The following DZIP1 variants were observed in gnomAD, a reference collection of about 807,000 sequenced individuals.
The protein encoded by DZIP1 is cilium assembly protein DZIP1.
In DZIP1, 97 loss-of-function variants were observed where a neutral mutation model predicts 107.6. That is an observed-to-expected ratio of 0.90 (90% confidence interval 0.77 to 1.07). DZIP1 has a LOEUF of 1.07. Among genes scored for constraint, DZIP1 ranks in the 50% least tolerant of loss-of-function variants. The pLI, the probability that DZIP1 is intolerant of heterozygous loss-of-function variation, is 0.00. For synonymous variants in DZIP1, 390 were observed against 386.4 expected, an observed-to-expected ratio of 1.01 and a Z score of -0.11; for missense variants, 1,035 against 1,063.6, an observed-to-expected ratio of 0.97 and a Z score of 0.37.
At chr13:95,609,416 A>C in intron 13 of DZIP1, 41 bp downstream of exon 13, 1 of 1,383,332 alleles carries the variant, frequency 7.2e-7, no homozygotes, top group Non-Finnish European at 9.6e-7. Flanking sequence ...TTAGCATTTT[A>C]AAGATACCTT....
intron 7 of DZIP1, among the ~76,000 whole-genome samples, chr13:95,626,180 G>A (rs1358228304): frequency 1.3e-5 from 2 of 151,800 alleles, no homozygotes; most frequent in East Asian, 1.9e-4. Flanking sequence ...AAATAACCTA[G>A]CTAGAAAAAG....
At position 95,587,606 on chromosome 13, in the gene DZIP1, C is replaced by T. The variant is rs1184683485; in HGVS notation, c.2151G>A (p.Val717=). ...CCTCGGTCCCGTCCGCGTCACTTTT[C>T]ACTGTGTTCTTCCCGAAGCTGCCCT... ...QNKGSFGKNT[V]KSDADGTEGS... The change falls in exon 20 of 23, where the codon GTG becomes GTA. Residue 717 remains valine (V), a synonymous_variant. Coordinates refer to ENST00000376829, the MANE Select transcript of DZIP1 (RefSeq NM_198968.4). 3.1e-6 allele frequency: 5 copies of T among 1,613,992 alleles called. No individual in the cohort carries two copies. The Admixed American group carries it at 5.0e-5, about 16-fold the overall frequency.
chr13:95,631,496 A>G (rs986693249), intron 6 of DZIP1, among the ~76,000 whole-genome samples: 2 of 152,022 alleles, frequency 1.3e-5, no homozygotes, highest in Non-Finnish European at 2.9e-5. Context: ...GATAAAAATA[A>G]GAATTTCTGT....
In DZIP1 at chr13:95,641,029, GT is replaced by G. The variant is rs1183977543; in HGVS notation, c.597+265del. On this transcript the variant is annotated intron_variant, in intron 5 of 22. Coordinates refer to ENST00000376829, the MANE Select transcript of DZIP1 (RefSeq NM_198968.4). The surrounding 1 kb of genome is among the most constrained non-coding windows in gnomAD (Gnocchi z 4.3). ...GTTGAGGTTGATTCGGAGGAGGAAA[GT>G]GTTTCAACAACCAGCATTTAGATAA... Among the ~76,000 whole-genome samples the G allele has an allele frequency of 6.6e-6, 1 of 152,218 alleles. No homozygotes were observed. The highest frequency in any genetic ancestry group is 2.4e-5 in the African/African-American group (1 of 41,450).
At chr13:95,596,966 C>G (rs1594661673) in intron 15 of DZIP1, among the ~76,000 whole-genome samples, 1 of 152,228 alleles carries the variant, frequency 6.6e-6, no homozygotes, top group African/African-American at 2.4e-5. Context: ...CAGTGGTGCA[C>G]GTGGACCCTG....
At chr13:95,636,543 C>CAAAAAAAAAAA (rs58289509) in intron 5 of DZIP1, among the ~76,000 whole-genome samples, 1 of 118,278 alleles carries the variant, frequency 8.5e-6, no homozygotes, top group African/African-American at 3.4e-5. Context: ...GACCTTGACT[C>CAAAAAAAAAAA]AAAAAAAAAA....
intron 19 of DZIP1, 105 bp downstream of exon 19, chr13:95,589,039 GATATTAAATA>G (rs762895032): frequency 1.6e-5 from 14 of 852,380 alleles, no homozygotes; most frequent in Non-Finnish European, 2.1e-5. Flanking sequence ...GACAAATTAT[GATATTAAATA>G]ATTACGGCTT....
At chr13:95,640,950 T>A (rs1001259700) in intron 5 of DZIP1, among the ~76,000 whole-genome samples, 4 of 152,218 alleles carry the variant, frequency 2.6e-5, no homozygotes, top group Non-Finnish European at 5.9e-5. Flanking sequence ...AATTTAAACA[T>A]TCTGCATCGT....
rs1312396470 is a variant in DZIP1 at position 95,578,378 on chromosome 13, A to AT, written c.*3855dup. 1.3e-5 allele frequency: 2 copies of AT among 159,330 alleles called. No homozygotes were observed. Among genetic ancestry groups the AT allele is most frequent in the African/African-American group, 4.8e-5 (2 of 41,574 alleles). 9.9% of individuals were successfully genotyped at this position (159,330 alleles called of 1,614,324 possible). On this transcript the variant is annotated 3_prime_UTR_variant, in exon 23 of 23. Coordinates refer to ENST00000376829, the MANE Select transcript of DZIP1 (RefSeq NM_198968.4). ...CCACTCCTTATGTTTCTTTTCATTC[A>AT]TAAACAGGTGTATAAGGAACAATGT... is the stretch of plus-strand genomic sequence containing the variant.
At chr13:95,594,149 A>G (rs186549735) in intron 15 of DZIP1, 63 bp from the exon 16 acceptor site, 420 of 1,387,548 alleles carry the variant, frequency 3.0e-4, no homozygotes, top group Middle Eastern at 2.1e-3. Flanking sequence ...AAAATCTCTA[A>G]GCAGAAAATG....
chr13:95,631,002 A>G (rs1232193356), intron 6 of DZIP1, among the ~76,000 whole-genome samples: 3 of 152,218 alleles, frequency 2.0e-5, no homozygotes, highest in East Asian at 3.9e-4. Flanking sequence ...TAATGAGATT[A>G]TTATGCTGTT....
chr13:95,595,121 C>T (rs1040307348), intron 15 of DZIP1, among the ~76,000 whole-genome samples: 1 of 152,226 alleles, frequency 6.6e-6, no homozygotes, highest in African/African-American at 2.4e-5. Flanking sequence ...CATCAAATGC[C>T]ATTTCCTAGG....
chr13:95,627,309 T>C (rs747274777), intron 7 of DZIP1, among the ~76,000 whole-genome samples: 4 of 152,136 alleles, frequency 2.6e-5, no homozygotes, highest in Non-Finnish European at 5.9e-5. Flanking sequence ...ATAAACCACA[T>C]GCAAAAGTAT....
chr13:95,606,696 A>G (rs1294031838), intron 13 of DZIP1, among the ~76,000 whole-genome samples: 1 of 152,216 alleles, frequency 6.6e-6, no homozygotes, highest in Non-Finnish European at 1.5e-5. Flanking sequence ...TAATGCTGCA[A>G]TGAACATTCA....
At chr13:95,603,564 G>C (rs899607438) in intron 14 of DZIP1, among the ~76,000 whole-genome samples, 2 of 152,076 alleles carry the variant, frequency 1.3e-5, no homozygotes, top group Non-Finnish European at 2.9e-5. Flanking sequence ...ATTGGTGTAT[G>C]GGTCAGTTTA....
chr13:95,602,160 A>G (rs1455693359), intron 14 of DZIP1, among the ~76,000 whole-genome samples: 1 of 152,126 alleles, frequency 6.6e-6, no homozygotes, highest in South Asian at 2.1e-4. Flanking sequence ...AACGCCCTCA[A>G]CCAACCTCAC....
At chr13:95,631,840 ACTCAG>A (rs1353886172) in intron 6 of DZIP1, among the ~76,000 whole-genome samples, 1 of 152,038 alleles carries the variant, frequency 6.6e-6, no homozygotes, top group African/African-American at 2.4e-5. Context: ...CCCTCATGAT[ACTCAG>A]CTCAGCTCAG....
Position 95,641,582 on chromosome 13 carries a change from C to G in DZIP1, c.310G>C (p.Glu104Gln). ...MNITFCKLED[E>Q]KCPHCQSGVD... Reference sequence around the variant, plus strand: ...CCCGACTGGCAGTGTGGGCACTTCTCGTCTTCCAGCTTGCAGAAGGTGATG... The same window carrying G: ...CCCGACTGGCAGTGTGGGCACTTCTGGTCTTCCAGCTTGCAGAAGGTGATG... The change falls in exon 5 of 23, where the codon GAG becomes CAG. Residue 104 changes from glutamate to glutamine, a missense_variant. Coordinates refer to ENST00000376829, the MANE Select transcript of DZIP1 (RefSeq NM_198968.4). The surrounding 1 kb of genome is among the most constrained non-coding windows in gnomAD (Gnocchi z 4.3). 1 of 1,613,564 alleles carries G rather than the reference C, an allele frequency of 6.2e-7. No homozygotes were observed.
At position 95,634,990 on chromosome 13, in the gene DZIP1, C is replaced by T. The variant is rs1347633685; in HGVS notation, c.598-1669G>A. 2.6e-5 allele frequency among the ~76,000 whole-genome samples: 4 copies of T among 152,106 alleles called. No homozygotes were observed. The East Asian group carries it at 7.7e-4, about 29-fold the overall frequency. On this transcript the variant is annotated intron_variant, in intron 5 of 22. Coordinates refer to ENST00000376829, the MANE Select transcript of DZIP1 (RefSeq NM_198968.4). The stretch of plus-strand genomic sequence containing the variant: ...CACTCTTTTAGTCTATAGGTTTCCC[C>T]TCCACCTCTTTTTTTTCCTTGCTAT...
Sources: allele counts gnomAD v4.1 joint callset (sites outside exome capture counted in the v4.1 genomes callset), GRCh38; gene constraint gnomAD v4.1.1; non-coding constraint Gnocchi (gnomAD v3.1); transcripts MANE v1.5; gene names NCBI Gene and HGNC (gene_info 2026-07-23, HGNC 2026-07-21).